LRRC4C: variants seen among roughly 807,000 people sequenced by gnomAD.
LRRC4C encodes leucine-rich repeat-containing protein 4C.
LRRC4C carries 5 observed loss-of-function variants against 33.6 expected under a neutral mutation model. The observed-to-expected ratio is 0.15, with a 90% CI of 0.08 to 0.31. The LOEUF (loss-of-function observed/expected upper bound fraction) is 0.31. Among genes scored for constraint, LRRC4C ranks in the 10% least tolerant of loss-of-function variants. The pLI, the probability that LRRC4C is intolerant of heterozygous loss-of-function variation, is 1.00. For synonymous variants in LRRC4C, 329 were observed against 302.0 expected (o/e 1.09, Z -0.93); for missense variants, 560 against 796.7 (o/e 0.70, Z 3.58).
chr11:40,331,567 A>G (rs1471667341), intron 3 of LRRC4C, among the ~76,000 whole-genome samples: 1 of 152,268 alleles, frequency 6.6e-6, no homozygotes, highest in Non-Finnish European at 1.5e-5. Flanking sequence ...GAAAGTGATT[A>G]ACATTTGAAT....
intron 2 of LRRC4C, among the ~76,000 whole-genome samples, chr11:40,933,421 A>G (rs888893496): frequency 1.3e-5 from 2 of 152,242 alleles, no homozygotes; most frequent in Non-Finnish European, 2.9e-5. Context: ...AAGGTAGTAT[A>G]AGTCATATAT....
intron 1 of LRRC4C, among the ~76,000 whole-genome samples, chr11:41,210,800 C>G (rs1195389162): frequency 6.6e-6 from 1 of 152,118 alleles, no homozygotes. Context: ...TCAGCAGTCC[C>G]CAATCTTTTT....
rs778525061 is a variant in LRRC4C, at chr11:40,114,410, C to T, written c.1883G>A (p.Arg628Gln). The T allele has an allele frequency of 2.9e-5, 47 of 1,613,410 alleles. No homozygotes were observed. The highest frequency in any genetic ancestry group is 2.2e-4 in the East Asian group (10 of 44,866). Residue 628 changes from arginine (R) to glutamine (Q), a missense_variant, in exon 7 of 7, where the codon CGA becomes CAA. By Grantham distance (43) the Arg-to-Gln change is conservative (BLOSUM62 1). This residue lies in a region of LRRC4C where 103 missense variants were observed against 132.1 expected (regional missense o/e 0.78). Coordinates refer to ENST00000528697, the MANE Select transcript of LRRC4C (RefSeq NM_001258419.2). ...TTGTACATTGTCTTTAGAGTTCATT[C>T]GGATCAATAACGGTTCATGCACTGA... is the stretch of plus-strand genomic sequence containing the variant. Reference protein sequence around the residue: ...HSSVHEPLLIRMNSKDNVQET... With the variant: ...HSSVHEPLLIQMNSKDNVQET...
chr11:40,710,581 A>T (rs1418199716), intron 2 of LRRC4C, among the ~76,000 whole-genome samples: 1 of 152,114 alleles, frequency 6.6e-6, no homozygotes, highest in Non-Finnish European at 1.5e-5. Flanking sequence ...TTTCCTCTGG[A>T]AGCTTAGTCT....
chr11:40,974,028 G>A (rs1328317572), intron 1 of LRRC4C, among the ~76,000 whole-genome samples: 1 of 151,886 alleles, frequency 6.6e-6, no homozygotes, highest in African/African-American at 2.4e-5. Context: ...TGAACACCTG[G>A]GGAAATGCTT....
intron 2 of LRRC4C, among the ~76,000 whole-genome samples, chr11:40,881,476 C>T (rs1955172037): frequency 6.6e-6 from 1 of 152,082 alleles, no homozygotes; most frequent in Non-Finnish European, 1.5e-5. Context: ...ATCAGATTGT[C>T]ACATGGTCTT....
At chr11:40,179,585 G>T (rs1453612632) in intron 5 of LRRC4C, among the ~76,000 whole-genome samples, 1 of 152,072 alleles carries the variant, frequency 6.6e-6, no homozygotes, top group East Asian at 1.9e-4. Flanking sequence ...TGCTTACTTT[G>T]TCTTCTTCTC....
intron 2 of LRRC4C, among the ~76,000 whole-genome samples, chr11:40,648,592 T>A (rs1157271809): frequency 6.6e-6 from 1 of 152,204 alleles, no homozygotes; most frequent in African/African-American, 2.4e-5. Flanking sequence ...TGCTTGTTAC[T>A]TCATGAGGTA....
chr11:41,033,115 G>A (rs758029877), intron 1 of LRRC4C, among the ~76,000 whole-genome samples: 6 of 151,786 alleles, frequency 4.0e-5, no homozygotes, highest in African/African-American at 1.2e-4. Flanking sequence ...TCCTAGGGCC[G>A]GAGAATCTAT....
chr11:40,947,360 G>A (rs886152206), intron 1 of LRRC4C, among the ~76,000 whole-genome samples: 1 of 152,146 alleles, frequency 6.6e-6, no homozygotes, highest in African/African-American at 2.4e-5. Context: ...ATGCAGTAAA[G>A]TTATGTAAAA....
At chr11:41,439,576 G>A (rs1176918176) in intron 1 of LRRC4C, among the ~76,000 whole-genome samples, 1 of 152,094 alleles carries the variant, frequency 6.6e-6, no homozygotes, top group Admixed American at 6.5e-5. Context: ...CTGACTAGTG[G>A]AAGATGGTAT....
intron 1 of LRRC4C, among the ~76,000 whole-genome samples, chr11:41,022,628 CA>C (rs1856063940): frequency 6.6e-6 from 1 of 151,882 alleles, no homozygotes; most frequent in African/African-American, 2.4e-5. Flanking sequence ...CATCAGAAGA[CA>C]AAAAGTTGTT....
intron 3 of LRRC4C, among the ~76,000 whole-genome samples, chr11:40,451,409 A>C: frequency 1.2e-5 from 1 of 83,188 alleles, no homozygotes. Context: ...TTTTTGAGAC[A>C]GAGTCTCACT....
intron 1 of LRRC4C, among the ~76,000 whole-genome samples, chr11:41,014,993 A>G (rs750225760): frequency 9.2e-5 from 14 of 152,332 alleles, no homozygotes; most frequent in Non-Finnish European, 1.8e-4. Flanking sequence ...CGAGCAATTT[A>G]TTTTAGTAAA....
At chr11:41,088,475 C>T (rs1940168485) in intron 1 of LRRC4C, among the ~76,000 whole-genome samples, 1 of 151,880 alleles carries the variant, frequency 6.6e-6, no homozygotes, top group Admixed American at 6.6e-5. Flanking sequence ...TTTCCATAGC[C>T]ATCAACTGTA....
intron 1 of LRRC4C, among the ~76,000 whole-genome samples, chr11:41,412,477 T>C (rs1168910025): frequency 1.3e-5 from 2 of 152,212 alleles, no homozygotes; most frequent in African/African-American, 2.4e-5. Flanking sequence ...TACTCTACTA[T>C]ATATTAGTAC....
intron 3 of LRRC4C, among the ~76,000 whole-genome samples, chr11:40,368,041 CTG>C (rs1164002196): frequency 6.6e-6 from 1 of 152,096 alleles, no homozygotes; most frequent in Non-Finnish European, 1.5e-5. Context: ...ATTCATCAGA[CTG>C]TTTTTTGTTG....
In LRRC4C at chr11:40,897,679, C is replaced by T. The variant is rs78559521; in HGVS notation, c.-407+35956G>A. ...ACAGAAGAAGGAACACTTCTGCTAA[C>T]GATAGAAAAAGCAATATACAGCTAT... On this transcript the variant is annotated intron_variant, in intron 2 of 6. Transcript: ENST00000528697. Among the ~76,000 whole-genome samples, 430 of 152,310 alleles carry T rather than the reference C, an allele frequency of 2.8e-3. 6 individuals are homozygous for T. Among genetic ancestry groups the T allele is most frequent in the African/African-American group, 9.7e-3 (404 of 41,574 alleles).
chr11:40,195,509 C>CA (rs1862188598), intron 5 of LRRC4C, among the ~76,000 whole-genome samples: 4 of 151,802 alleles, frequency 2.6e-5, no homozygotes. Flanking sequence ...ATGTGGGTAG[C>CA]AGAGGTGGGG....
Sources: gnomAD v4.1 joint callset for allele counts (sites outside exome capture counted in the v4.1 genomes callset) on GRCh38, gnomAD v4.1.1 for gene constraint, gnomAD v4.1.1 regional missense constraint, MANE v1.5 for transcripts, NCBI Gene and HGNC (gene_info 2026-07-23, HGNC 2026-07-21) for gene names.